Variants in PLXNC1 observed in about 807,000 individuals in gnomAD.
PLXNC1 encodes plexin C1.
In PLXNC1, 75 loss-of-function variants were observed where a neutral mutation model predicts 178.2. The ratio of observed to expected loss-of-function variants is 0.42; its 90% CI spans 0.35 to 0.51. The LOEUF (loss-of-function observed/expected upper bound fraction) is 0.51. Ranked by LOEUF, PLXNC1 falls within the 20% of genes least tolerant of loss-of-function variation. The probability of loss-of-function intolerance (pLI) is 0.02; values close to 1 mark genes in which losing one functional copy is unlikely to be tolerated. For missense variants in PLXNC1, 1,503 were observed against 1,984.4 expected, an observed-to-expected ratio of 0.76 and a Z score of 4.61; for synonymous variants, 790 against 779.9, an observed-to-expected ratio of 1.01 and a Z score of -0.22.
intron 7 of PLXNC1, chr12:94,226,374 G>C: frequency 2.2e-6 from 1 of 464,818 alleles, no homozygotes; most frequent in Non-Finnish European, 3.9e-6. Flanking sequence ...CAGACCAGCA[G>C]GTGACCCAGC....
At chr12:94,220,846 A>C (rs1963776520) in intron 6 of PLXNC1, among the ~76,000 whole-genome samples, 1 of 152,204 alleles carries the variant, frequency 6.6e-6, no homozygotes, top group Non-Finnish European at 1.5e-5. Context: ...GACGATGGGG[A>C]TGGGTATTTC....
At chr12:94,250,257 T>C (rs116701080) in intron 14 of PLXNC1, among the ~76,000 whole-genome samples, 107 of 152,258 alleles carry the variant, frequency 7.0e-4, no homozygotes, top group African/African-American at 2.3e-3. Flanking sequence ...GGCAAGGGCT[T>C]GGCTTGTGGG....
At chr12:94,296,530 T>C (rs1453340686) in intron 24 of PLXNC1, among the ~76,000 whole-genome samples, 1 of 152,158 alleles carries the variant, frequency 6.6e-6, no homozygotes, top group African/African-American at 2.4e-5. Flanking sequence ...CCTTACCCTT[T>C]ACAGCCACAT....
chr12:94,148,657 T>A lies in PLXNC1; in HGVS notation c.-315T>A, dbSNP rs1048076198. 2 of 150,748 alleles carry A rather than the reference T, an allele frequency of 1.3e-5. No individual in the cohort carries two copies. The highest frequency in any genetic ancestry group is 2.4e-5 in the African/African-American group (1 of 41,062). 9.3% of individuals were successfully genotyped at this position (150,748 alleles called of 1,614,324 possible). Reference sequence around the variant, plus strand: ...GCCTCGCTCCTCTCCGCCCGTCCCCTCCCTTCCCCTCCGCGCCTCCCCGCG... The same window carrying A: ...GCCTCGCTCCTCTCCGCCCGTCCCCACCCTTCCCCTCCGCGCCTCCCCGCG... On this transcript the variant is annotated 5_prime_UTR_variant, in exon 1 of 31. Coordinates refer to ENST00000258526, the MANE Select transcript of PLXNC1 (RefSeq NM_005761.3). This position sits in a 1 kb window ranked among gnomAD's most constrained non-coding sequence, Gnocchi z 4.8.
chr12:94,298,821 G>T, intron 27 of PLXNC1, 26 bp downstream of exon 27: 1 of 1,592,372 alleles, frequency 6.3e-7, no homozygotes, highest in Non-Finnish European at 8.6e-7. Context: ...ATTAGTGACT[G>T]TTTTCAAGAA....
rs185157096 is a variant in PLXNC1, at chr12:94,189,578, G to T, written c.1439+3105G>T. Among the ~76,000 whole-genome samples, 319 of 152,180 alleles carry T rather than the reference G, an allele frequency of 2.1e-3. 9 individuals carry two copies. The East Asian group carries it at 0.033, about 16-fold the overall frequency. Reference sequence around the variant, plus strand: ...GCTTCTGGTCCCAGCTACTCGGGAGGTTAAGGTGGGAGGCTTGCTTGAGTC... The same window carrying T: ...GCTTCTGGTCCCAGCTACTCGGGAGTTTAAGGTGGGAGGCTTGCTTGAGTC... On this transcript the variant is annotated intron_variant, in intron 4 of 30. Coordinates refer to ENST00000258526, the MANE Select transcript of PLXNC1 (RefSeq NM_005761.3).
In PLXNC1 at chr12:94,239,621, G is replaced by A. The variant is rs544345213; in HGVS notation, c.2121-864G>A. Among the ~76,000 whole-genome samples the A allele has an allele frequency of 3.9e-5, 6 of 152,212 alleles. No individual in the cohort carries two copies. The East Asian group carries it at 1.2e-3, about 29-fold the overall frequency. On this transcript the variant is annotated intron_variant, in intron 10 of 30. Coordinates refer to ENST00000258526, the MANE Select transcript of PLXNC1 (RefSeq NM_005761.3). ...ACACAACCCAGGCTTAATGATTTGT[G>A]CTTTAGAGGATCATTGTAGACACAC...
chr12:94,297,582 C>T (rs1565871861), intron 26 of PLXNC1, among the ~76,000 whole-genome samples, 159 bp downstream of exon 26: 1 of 152,212 alleles, frequency 6.6e-6, no homozygotes, highest in Non-Finnish European at 1.5e-5. Context: ...CCCAGTTCCT[C>T]TTCTTTTTAT....
At chr12:94,220,307 G>T in intron 6 of PLXNC1, 144 bp downstream of exon 6, 1 of 716,796 alleles carries the variant, frequency 1.4e-6, no homozygotes, top group Non-Finnish European at 2.3e-6. Context: ...CTTTTGCTCT[G>T]GGTCCTCCTC....
At chr12:94,268,612 T>TTTTTA (rs148991956) in intron 21 of PLXNC1, among the ~76,000 whole-genome samples, 55 of 130,756 alleles carry the variant, frequency 4.2e-4, no homozygotes, top group African/African-American at 9.9e-4. Flanking sequence ...TTTTTTTTTT[T>TTTTTA]AATTTAAGGA....
intron 4 of PLXNC1, among the ~76,000 whole-genome samples, chr12:94,192,682 T>C (rs1044441097): frequency 1.3e-5 from 2 of 152,088 alleles, no homozygotes; most frequent in African/African-American, 4.8e-5. Context: ...CAAGCTAAAC[T>C]AGACAACATG....
At chr12:94,280,092 T>C (rs753892985) in intron 22 of PLXNC1, 19 of 328,396 alleles carry the variant, frequency 5.8e-5, no homozygotes, top group Non-Finnish European at 8.9e-5. Flanking sequence ...TCTAGCCTGC[T>C]AGAAAGGTCA....
chr12:94,173,238 C>T lies in PLXNC1; in HGVS notation c.1203+3945C>T, dbSNP rs539112849. ...CTGTAAACACACACCGAGTCTTTCT[C>T]CAGATTATAGTACAGCCTATCATGT... is the stretch of plus-strand genomic sequence containing the variant. On this transcript the variant is annotated intron_variant, in intron 2 of 30. Transcript: ENST00000258526. Among the ~76,000 whole-genome samples the T allele has an allele frequency of 7.2e-4, 109 of 152,284 alleles. 1 individual carries two copies. Among genetic ancestry groups the T allele is most frequent in the Middle Eastern group, 6.8e-3 (2 of 294 alleles).
intron 10 of PLXNC1, among the ~76,000 whole-genome samples, chr12:94,239,993 C>T (rs1026927510): frequency 2.0e-5 from 3 of 152,168 alleles, no homozygotes; most frequent in Admixed American, 6.5e-5. Flanking sequence ...TAGCCATTCC[C>T]GGTTTCAAAG....
intron 23 of PLXNC1, among the ~76,000 whole-genome samples, chr12:94,284,594 T>C (rs928384800): frequency 3.3e-5 from 5 of 152,122 alleles, no homozygotes; most frequent in Admixed American, 6.5e-5. Context: ...ATAGCAGTCC[T>C]ACGAGATAGG....
chr12:94,265,962 A>G (rs540922821), intron 21 of PLXNC1, among the ~76,000 whole-genome samples: 22 of 152,288 alleles, frequency 1.4e-4, no homozygotes, highest in African/African-American at 5.1e-4. Context: ...GGAATTTTCT[A>G]TGCTTTTCTG....
chr12:94,286,759 A>C (rs562533463), intron 23 of PLXNC1, among the ~76,000 whole-genome samples: 13 of 152,124 alleles, frequency 8.5e-5, no homozygotes, highest in East Asian at 5.8e-4. Flanking sequence ...AGTTCCTCCT[A>C]CTATCTAAAC....
chr12:94,211,951 T>G (rs1440728268), intron 5 of PLXNC1, among the ~76,000 whole-genome samples: 2 of 151,934 alleles, frequency 1.3e-5, no homozygotes, highest in Non-Finnish European at 2.9e-5. Flanking sequence ...ACTGATGTGG[T>G]GGAGAAGGAA....
chr12:94,194,198 C>T (rs1409841662), intron 4 of PLXNC1, among the ~76,000 whole-genome samples: 3 of 152,060 alleles, frequency 2.0e-5, no homozygotes, highest in Non-Finnish European at 4.4e-5. Context: ...CTCACCATCA[C>T]GAAAACAGCA....
Sources: gnomAD v4.1 joint callset for allele counts (sites outside exome capture counted in the v4.1 genomes callset) on GRCh38, gnomAD v4.1.1 for gene constraint, Gnocchi (gnomAD v3.1) non-coding constraint, MANE v1.5 for transcripts, NCBI Gene and HGNC (gene_info 2026-07-23, HGNC 2026-07-21) for gene names.